Variants in LMO7 observed in about 807,000 individuals in gnomAD.
LMO7 encodes LIM domain only protein 7.
In LMO7, 120 loss-of-function variants were observed where a neutral mutation model predicts 206.5. That is an observed-to-expected ratio of 0.58 (90% CI 0.50 to 0.68). The LOEUF is 0.68. Ranked by LOEUF, LMO7 falls within the 30% of genes least tolerant of loss-of-function variation. The probability of loss-of-function intolerance (pLI) is 0.00; values close to 1 mark genes in which losing one functional copy is unlikely to be tolerated. For synonymous variants in LMO7, 706 were observed against 681.5 expected (o/e 1.04, Z -0.56); for missense variants, 1,959 against 1,957.9 (o/e 1.00, Z -0.01).
At chr13:75,767,028 A>G (rs960828441) in intron 4 of LMO7, among the ~76,000 whole-genome samples, 1 of 152,132 alleles carries the variant, frequency 6.6e-6, no homozygotes, top group South Asian at 2.1e-4. Context: ...CAGAATAATG[A>G]TAATGACATG....
At chr13:75,726,998 G>C (rs1465938140) in intron 2 of LMO7, 31 bp from the exon 3 acceptor site, 1 of 1,243,508 alleles carries the variant, frequency 8.0e-7, no homozygotes, top group Non-Finnish European at 1.2e-6. Flanking sequence ...TTGGCATCTT[G>C]TAATTGCATC....
Position 75,807,483 on chromosome 13 carries a change from G to A in LMO7, c.1200G>A (p.Gln400=), listed in dbSNP as rs1356218451. The A allele has an allele frequency of 6.2e-7, 1 of 1,613,010 alleles. No homozygotes were observed. Among genetic ancestry groups the A allele is most frequent in the Non-Finnish European group, 8.5e-7 (1 of 1,179,686 alleles). ...PWYKEFQGFS[Q]FLLLQALQTY... is the part of the protein sequence containing the mutation. Reference sequence around the variant, plus strand: ...CTTTTTCCTCTCTGTGCATCAGTCAGTTTTTACTGCTTCAGGCCCTCCAAA... The same window carrying A: ...CTTTTTCCTCTCTGTGCATCAGTCAATTTTTACTGCTTCAGGCCCTCCAAA... The change falls in exon 10 of 31, where the codon CAG becomes CAA. Residue 400 remains glutamine (Q), a synonymous_variant. Coordinates refer to ENST00000377534, the MANE Select transcript of LMO7 (RefSeq NM_001306080.2).
At chr13:75,722,334 G>T (rs931230132) in intron 2 of LMO7, among the ~76,000 whole-genome samples, 12 of 151,990 alleles carry the variant, frequency 7.9e-5, no homozygotes, top group African/African-American at 2.7e-4. Flanking sequence ...TAATCTACAG[G>T]GAACTCAAAC....
At chr13:75,856,645 T>C (rs1375120580) in intron 30 of LMO7, 37 bp downstream of exon 30, 1 of 1,276,610 alleles carries the variant, frequency 7.8e-7, no homozygotes, top group Non-Finnish European at 1.1e-6. Flanking sequence ...TTCTTGCCTT[T>C]TAAGGAGGCC....
chr13:75,819,448 A>G lies in LMO7; in HGVS notation c.2120A>G (p.Lys707Arg), dbSNP rs1218023688. 6.2e-7 allele frequency: 1 copy of G among 1,613,226 alleles called. No individual in the cohort carries two copies. The highest frequency in any genetic ancestry group is 2.2e-5 in the East Asian group (1 of 44,866). ...AGTTACACTTCAGATCTGCAGAAGA[A>G]AAAAGAAGAGAGAGAAGAAATTGAA... ...RKSYTSDLQK[K>R]KEEREEIEKQ... The change falls in exon 13 of 31, where the codon AAA becomes AGA. Residue 707 changes from lysine (K) to arginine (R), a missense_variant. Lys to Arg is a conservative substitution (Grantham distance 26). Transcript: ENST00000377534.
intron 3 of LMO7, among the ~76,000 whole-genome samples, chr13:75,734,927 G>T (rs1359970174): frequency 6.6e-6 from 1 of 152,060 alleles, no homozygotes; most frequent in Non-Finnish European, 1.5e-5. Context: ...GTGAAACCCT[G>T]TCTCTACTAA....
At chr13:75,751,405 C>T (rs1349703758) in intron 3 of LMO7, among the ~76,000 whole-genome samples, 1 of 152,166 alleles carries the variant, frequency 6.6e-6, no homozygotes, top group Non-Finnish European at 1.5e-5. Flanking sequence ...TGTGATCTGT[C>T]CCGCTCAGCC....
chr13:75,845,018 G>A (rs2059876488), intron 25 of LMO7, among the ~76,000 whole-genome samples: 1 of 152,124 alleles, frequency 6.6e-6, no homozygotes, highest in African/African-American at 2.4e-5. Context: ...ACTGAGATCT[G>A]GACCAGGGTG....
chr13:75,666,588 T>G (rs1232029373), intron 1 of LMO7, among the ~76,000 whole-genome samples: 1 of 152,164 alleles, frequency 6.6e-6, no homozygotes, highest in Non-Finnish European at 1.5e-5. Flanking sequence ...ATTCTCCCCT[T>G]GTCATATTTG....
chr13:75,745,930 G>A (rs1224366419), intron 3 of LMO7, among the ~76,000 whole-genome samples: 2 of 152,098 alleles, frequency 1.3e-5, no homozygotes, highest in African/African-American at 4.8e-5. Context: ...GCAGATTTTG[G>A]GACTTCTCTG....
intron 4 of LMO7, among the ~76,000 whole-genome samples, chr13:75,788,573 A>G (rs895312020): frequency 6.6e-6 from 1 of 151,998 alleles, no homozygotes; most frequent in South Asian, 2.1e-4. Context: ...TATCTTACAT[A>G]TTTAAACCAG....
rs897431257 is a variant in LMO7, at chr13:75,768,782, G to T, written c.317+7744G>T. On this transcript the variant is annotated intron_variant, in intron 4 of 30. Transcript: ENST00000377534. ...AGGAATATTTTTCTTTTTGGAATAG[G>T]TGTTCAAAATCTTGTCTTTACTGAA... Among the ~76,000 whole-genome samples, 10 of 152,162 alleles carry T rather than the reference G, an allele frequency of 6.6e-5. No individual in the cohort carries two copies. In the East Asian group the frequency reaches 1.7e-3, roughly 26 times the overall value.
chr13:75,675,203 A>C (rs900855963), intron 1 of LMO7, among the ~76,000 whole-genome samples: 2 of 151,738 alleles, frequency 1.3e-5, no homozygotes, highest in African/African-American at 2.4e-5. Flanking sequence ...CAGCCTCCCG[A>C]GTAGGCATTA....
rs140776238 is a variant in LMO7 at position 75,855,254 on chromosome 13, A to G, written c.4662-6A>G. The stretch of plus-strand genomic sequence containing the variant: ...AGCCTCCATTCCATTCTTGTTCTGC[A>G]TCTAGGTCAGTCAGTGGGAAGCGCA... On this transcript the variant is annotated splice_region_variant and splice_polypyrimidine_tract_variant and intron_variant, in intron 28 of 30. Transcript: ENST00000377534. The G allele has an allele frequency of 2.6e-4, 412 of 1,596,840 alleles. No homozygotes were observed. Among genetic ancestry groups the G allele is most frequent in the Middle Eastern group, 3.3e-4 (2 of 6,028 alleles).
At chr13:75,621,764 G>C in exon 1 of LMO7, 1 of 1,612,996 alleles carries the variant, frequency 6.2e-7, no homozygotes, top group Non-Finnish European at 8.5e-7. Flanking sequence ...CTCTTCCAGA[G>C]AACAGAGCTC....
chr13:75,834,918 G>C (rs2058996323), intron 17 of LMO7, among the ~76,000 whole-genome samples: 1 of 152,082 alleles, frequency 6.6e-6, no homozygotes, highest in Non-Finnish European at 1.5e-5. Flanking sequence ...CCTGGTTTAT[G>C]GGAAAGATTC....
intron 19 of LMO7, 122 bp downstream of exon 19, chr13:75,836,579 T>TA: frequency 3.3e-6 from 2 of 606,866 alleles, no homozygotes; most frequent in Non-Finnish European, 5.7e-6. Context: ...AAGTTGAAAC[T>TA]AAAAGGTTAA....
chr13:75,702,252 C>T (rs750509814), intron 1 of LMO7, among the ~76,000 whole-genome samples: 1 of 152,144 alleles, frequency 6.6e-6, no homozygotes, highest in Non-Finnish European at 1.5e-5. Context: ...TTTCCCTGCT[C>T]CTTCCTTCTG....
At chr13:75,829,000 G>T (rs2058389966) in intron 15 of LMO7, among the ~76,000 whole-genome samples, 1 of 152,142 alleles carries the variant, frequency 6.6e-6, no homozygotes, top group Admixed American at 6.6e-5. Flanking sequence ...AACTATTGAT[G>T]CAATTAACCA....
Sources: allele counts gnomAD v4.1 joint callset (sites outside exome capture counted in the v4.1 genomes callset), GRCh38; gene constraint gnomAD v4.1.1; transcripts MANE v1.5; gene names NCBI Gene and HGNC (gene_info 2026-07-23, HGNC 2026-07-21).